GNG4: variants seen among roughly 807,000 people sequenced by gnomAD.
The protein encoded by GNG4 is guanine nucleotide-binding protein G(I)/G(S)/G(O) subunit gamma-4.
GNG4 carries 4 observed loss-of-function variants against 5.8 expected under a neutral mutation model. The observed-to-expected ratio is 0.69, with a 90% CI of 0.34 to 1.57. The LOEUF is 1.57. GNG4 is among the 40% of genes most tolerant of loss of function. The pLI is 0.06. For synonymous variants in GNG4, 29 were observed against 32.9 expected (o/e 0.88, Z 0.41); for missense variants, 96 against 95.1 (o/e 1.01, Z -0.04).
chr1:235,579,580 G>A (rs1453976248), intron 3 of GNG4, among the ~76,000 whole-genome samples: 2 of 152,070 alleles, frequency 1.3e-5, no homozygotes, highest in African/African-American at 4.8e-5. Context: ...GCCGGGCATG[G>A]TGGCTCAGGC....
At chr1:235,592,947 A>ATT (rs57491492) in intron 2 of GNG4, among the ~76,000 whole-genome samples, 4 of 136,006 alleles carry the variant, frequency 2.9e-5, no homozygotes, top group Middle Eastern at 7.7e-3. Context: ...GCTCTGTAAC[A>ATT]TTTTTTTTTT....
intron 3 of GNG4, among the ~76,000 whole-genome samples, chr1:235,562,659 GAAAAAAA>G (rs1318706984): frequency 5.8e-5 from 3 of 51,310 alleles, no homozygotes; most frequent in Non-Finnish European, 1.2e-4. Flanking sequence ...AAAAAAAAAA[GAAAAAAA>G]AAAAAAGAAA....
intron 1 of GNG4, among the ~76,000 whole-genome samples, chr1:235,618,578 G>T (rs886373685): frequency 5.3e-5 from 8 of 152,106 alleles, no homozygotes; most frequent in Non-Finnish European, 1.2e-4. Flanking sequence ...TGCAGCCCAG[G>T]GGCTGTGTTC....
intron 3 of GNG4, among the ~76,000 whole-genome samples, chr1:235,570,522 G>A (rs1260137281): frequency 6.7e-6 from 1 of 148,382 alleles, no homozygotes; most frequent in African/African-American, 2.5e-5. Context: ...TCAGCCTCCC[G>A]AGTAGCTGGG....
intron 3 of GNG4, among the ~76,000 whole-genome samples, chr1:235,582,020 T>C (rs924310227): frequency 6.6e-5 from 10 of 152,200 alleles, no homozygotes; most frequent in Non-Finnish European, 1.2e-4. Context: ...TCTCTGGCCA[T>C]GGGGCTTGAC....
chr1:235,565,229 G>A (rs1048207011), intron 3 of GNG4, among the ~76,000 whole-genome samples: 15 of 152,040 alleles, frequency 9.9e-5, no homozygotes, highest in Non-Finnish European at 2.1e-4. Flanking sequence ...TTGGCCCAGC[G>A]CAGTGGCATG....
chr1:235,554,643 A>G (rs978010976), intron 3 of GNG4, among the ~76,000 whole-genome samples: 1 of 152,158 alleles, frequency 6.6e-6, no homozygotes, highest in Non-Finnish European at 1.5e-5. Context: ...CAGGAGTTCA[A>G]GACCAGCCTG....
intron 1 of GNG4, among the ~76,000 whole-genome samples, chr1:235,608,805 TC>T (rs1688417592): frequency 6.6e-6 from 1 of 151,966 alleles, no homozygotes; most frequent in Non-Finnish European, 1.5e-5. Flanking sequence ...TGCCTCAGCC[TC>T]CTGAGTAGCT....
intron 3 of GNG4, among the ~76,000 whole-genome samples, chr1:235,572,745 C>G (rs1687377484): frequency 6.6e-6 from 1 of 151,910 alleles, no homozygotes; most frequent in Non-Finnish European, 1.5e-5. Context: ...AGTGATCTAC[C>G]CACCTCGGCC....
At chr1:235,559,084 C>T (rs1419145406) in intron 3 of GNG4, among the ~76,000 whole-genome samples, 1 of 152,168 alleles carries the variant, frequency 6.6e-6, no homozygotes, top group Non-Finnish European at 1.5e-5. Flanking sequence ...TGCATTTATC[C>T]TTTGCATCTG....
At chr1:235,635,643 A>G (rs1689021355) in intron 1 of GNG4, among the ~76,000 whole-genome samples, 1 of 29,514 alleles carries the variant, frequency 3.4e-5, no homozygotes, top group African/African-American at 2.0e-4. Flanking sequence ...GGCTAAATAA[A>G]CCTCTTTTCT....
intron 3 of GNG4, among the ~76,000 whole-genome samples, chr1:235,569,723 A>ACAGG (rs1291641756): frequency 6.6e-6 from 1 of 151,736 alleles, no homozygotes; most frequent in Non-Finnish European, 1.5e-5. Context: ...GCCCACCACT[A>ACAGG]CGCCCAGCTC....
At chr1:235,558,530 GTC>G (rs1686976815) in intron 3 of GNG4, among the ~76,000 whole-genome samples, 1 of 152,204 alleles carries the variant, frequency 6.6e-6, no homozygotes, top group African/African-American at 2.4e-5. Flanking sequence ...ATTAACCTGA[GTC>G]TGCTCCTTCC....
Position 235,637,057 on chromosome 1 carries a change from CAAA to C in GNG4, c.-123+12602_-123+12604del, listed in dbSNP as rs61512163. On this transcript the variant is annotated intron_variant, in intron 1 of 3. Transcript: ENST00000391854. ...TGGGCGACAGAGCCAGACTCCGTCT[CAAA>C]AAAAAAAAAAAAAATCCCTGCCTCC... is the stretch of plus-strand genomic sequence containing the variant. 2.4e-3 allele frequency among the ~76,000 whole-genome samples: 326 copies of C among 134,376 alleles called. 2 individuals carry two copies. The highest frequency in any genetic ancestry group is 0.015 in the East Asian group (72 of 4,750). The allele number at this position is 134,376 out of a possible 152,430, so 88.2% of individuals were successfully genotyped here. A position where few individuals can be genotyped will look rare whatever the true frequency, so the allele number is the denominator to read the frequency against.
chr1:235,567,951 G>A (rs1199972257), intron 3 of GNG4, among the ~76,000 whole-genome samples: 2 of 152,096 alleles, frequency 1.3e-5, no homozygotes, highest in Non-Finnish European at 2.9e-5. Context: ...TGTTCTGAGA[G>A]ACGGCTAACC....
intron 1 of GNG4, among the ~76,000 whole-genome samples, chr1:235,636,353 T>C (rs1204166479): frequency 6.6e-6 from 1 of 152,238 alleles, no homozygotes; most frequent in African/African-American, 2.4e-5. Context: ...AGGAAGGCTC[T>C]TTGGGGGTCT....
intron 3 of GNG4, among the ~76,000 whole-genome samples, chr1:235,570,340 A>T (rs1571883240): frequency 6.7e-6 from 1 of 149,152 alleles, no homozygotes; most frequent in Middle Eastern, 3.5e-3. Context: ...ACCTCCCTCC[A>T]ATTCTTTCCT....
intron 1 of GNG4, among the ~76,000 whole-genome samples, chr1:235,608,931 G>A (rs757612538): frequency 6.6e-6 from 1 of 152,100 alleles, no homozygotes; most frequent in East Asian, 1.9e-4. Flanking sequence ...TGATCCACCC[G>A]CCTCGGCCTC....
chr1:235,557,042 TGAA>T (rs1686930176), intron 3 of GNG4, among the ~76,000 whole-genome samples: 1 of 152,172 alleles, frequency 6.6e-6, no homozygotes. Context: ...TAAATACAGA[TGAA>T]GCTTTGCTTG....
Sources: gnomAD v4.1 joint callset for allele counts (sites outside exome capture counted in the v4.1 genomes callset) on GRCh38, gnomAD v4.1.1 for gene constraint, MANE v1.5 for transcripts, NCBI Gene and HGNC (gene_info 2026-07-23, HGNC 2026-07-21) for gene names.